The following SENP3 variants were observed in gnomAD, a reference collection of about 807,000 sequenced individuals.
The protein encoded by SENP3 is sentrin-specific protease 3.
A neutral mutation model predicts 66.2 loss-of-function variants in SENP3; 11 were observed. The ratio of observed to expected loss-of-function variants is 0.17; its 90% CI spans 0.10 to 0.28. The LOEUF (loss-of-function observed/expected upper bound fraction) is 0.28, where lower values mean the gene tolerates loss of function less well. Ranked by LOEUF, SENP3 falls within the 10% of genes least tolerant of loss-of-function variation. The pLI is 1.00. For synonymous variants in SENP3, 292 were observed against 277.6 expected (o/e 1.05, Z -0.52); for missense variants, 548 against 743.7 (o/e 0.74, Z 3.06).
chr17:7,570,526 G>T lies in SENP3; in HGVS notation c.1479+33G>T. ...GGGGTAGGAGAGAGATGGGCAAAATGTGGGGCGGTGCAGTGGCAAGGCATT... is the reference window on the plus strand; with the variant it reads ...GGGGTAGGAGAGAGATGGGCAAAATTTGGGGCGGTGCAGTGGCAAGGCATT... On this transcript the variant is annotated intron_variant, in intron 8 of 10. Coordinates refer to ENST00000321337, the MANE Select transcript of SENP3 (RefSeq NM_015670.6). This position sits in a 1 kb window ranked among gnomAD's most constrained non-coding sequence, Gnocchi z 5.4. 6.2e-7 allele frequency: 1 copy of T among 1,602,074 alleles called. No individual in the cohort carries two copies. Among genetic ancestry groups the T allele is most frequent in the Non-Finnish European group, 8.5e-7 (1 of 1,173,324 alleles).
Position 7,563,155 on chromosome 17 carries a change from C to G in SENP3, c.79C>G (p.Pro27Ala), listed in dbSNP as rs762253310. 1 of 1,552,812 alleles carries G rather than the reference C, an allele frequency of 6.4e-7. No individual in the cohort carries two copies. Among genetic ancestry groups the G allele is most frequent in the Non-Finnish European group, 8.7e-7 (1 of 1,150,258 alleles). Residue 27 changes from proline to alanine, a missense_variant, in exon 2 of 11, where the codon CCC (proline) becomes GCC (alanine). Pro to Ala is a conservative substitution (Grantham distance 27, BLOSUM62 -1). This residue lies in a region of SENP3 where 164 missense variants were observed against 167.9 expected (regional missense o/e 0.98). Transcript: ENST00000321337. Reference protein sequence around the residue: ...GPGIPPAYSSPRRERLRWPPP... With the variant: ...GPGIPPAYSSARRERLRWPPP... Reference sequence around the variant, plus strand: ...CGGCATACCCCCAGCTTACTCAAGTCCCAGGCGGGAGCGTCTTCGTTGGCC... The same window carrying G: ...CGGCATACCCCCAGCTTACTCAAGTGCCAGGCGGGAGCGTCTTCGTTGGCC...
rs190035448 is a variant in SENP3 at position 7,571,236 on chromosome 17, G to A, written c.1615-137G>A. On this transcript the variant is annotated intron_variant, in intron 10 of 10. Coordinates refer to ENST00000321337, the MANE Select transcript of SENP3 (RefSeq NM_015670.6). The stretch of plus-strand genomic sequence containing the variant: ...AGAACACTAGCTTTAGAGTCAGGCT[G>A]TTTTTGAACCCCAGGCTGTGGGACC... 1.1e-5 allele frequency: 7 copies of A among 657,374 alleles called. No homozygotes were observed. In the Admixed American group the frequency reaches 1.7e-4, roughly 16 times the overall value. The allele number at this position is 657,374 out of a possible 1,614,324, so 40.7% of individuals were successfully genotyped here. A position where few individuals can be genotyped will look rare whatever the true frequency, so the allele number is the denominator to read the frequency against.
chr17:7,567,633 C>G (rs1452874594), intron 7 of SENP3, among the ~76,000 whole-genome samples: 1 of 151,966 alleles, frequency 6.6e-6, no homozygotes, highest in Non-Finnish European at 1.5e-5. Context: ...GCCAGCCATG[C>G]GCAGACCTGG....
Position 7,562,227 on chromosome 17 carries a change from C to T in SENP3, c.-48C>T. On this transcript the variant is annotated 5_prime_UTR_variant, in exon 1 of 11. Transcript: ENST00000321337. This position sits in a 1 kb window ranked among gnomAD's most constrained non-coding sequence, Gnocchi z 5.0. ...CGGGAAGCTTGAGGCCGGAGACGCC[C>T]GCCTTCGGGCCCGTCCGCCCGGCTT... 2 of 398,608 alleles carry T rather than the reference C, an allele frequency of 5.0e-6. No individual in the cohort carries two copies. The highest frequency in any genetic ancestry group is 1.3e-4 in the South Asian group (1 of 7,960). The allele number at this position is 398,608 out of a possible 1,614,324, so 24.7% of individuals were successfully genotyped here.
At chr17:7,564,493 T>C (rs1410505103) in intron 2 of SENP3, 132 bp from the exon 3 acceptor site, 1 of 1,308,724 alleles carries the variant, frequency 7.6e-7, no homozygotes, top group Non-Finnish European at 1.1e-6. Flanking sequence ...GGAGTGGGAT[T>C]GACATTGGTG....
chr17:7,565,844 C>T, intron 6 of SENP3, 80 bp downstream of exon 6: 1 of 1,225,930 alleles, frequency 8.2e-7, no homozygotes, highest in Non-Finnish European at 1.2e-6. Context: ...TCATCTCTTT[C>T]ATTTTACACA....
chr17:7,563,392 G>C lies in SENP3; in HGVS notation c.316G>C (p.Gly106Arg), dbSNP rs2071238828. The C allele has an allele frequency of 1.3e-6, 2 of 1,551,042 alleles. No homozygotes were observed. The highest frequency in any genetic ancestry group is 2.7e-5 in the African/African-American group (2 of 73,048). Residue 106 changes from glycine (G) to arginine (R), a missense_variant, in exon 2 of 11, where the codon GGA (glycine) becomes CGA (arginine). Transcript: ENST00000321337. ...GCTGCCCCCAAGATGGAGTCAGCTG[G>C]GAACCTCCCAGCGGCCCCGCCCTTC... Reference protein sequence around the residue: ...WRLPPRWSQLGTSQRPRPSRP... With the variant: ...WRLPPRWSQLRTSQRPRPSRP...
intron 6 of SENP3, among the ~76,000 whole-genome samples, chr17:7,566,592 G>C (rs2071270823): frequency 6.6e-6 from 1 of 151,060 alleles, no homozygotes; most frequent in Admixed American, 6.6e-5. Flanking sequence ...CTTGAACCCG[G>C]GAGGCGGAGG....
Position 7,570,596 on chromosome 17 carries a change from C to T in SENP3, c.1480-85C>T. On this transcript the variant is annotated intron_variant, in intron 8 of 10. Transcript: ENST00000321337. The surrounding 1 kb of genome is among the most constrained non-coding windows in gnomAD (Gnocchi z 5.4). ...TTGGGTCTTTGAGGGGCGACCTGGG[C>T]ATGGTGTCTGCCAGCACTGTACCCA... The T allele has an allele frequency of 1.3e-6, 2 of 1,565,446 alleles. No individual in the cohort carries two copies. Among genetic ancestry groups the T allele is most frequent in the African/African-American group, 1.4e-5 (1 of 73,864 alleles).
At position 7,563,808 on chromosome 17, in the gene SENP3, G is replaced by GT; in HGVS notation, c.715+18dup. 1 of 1,557,086 alleles carries GT rather than the reference G, an allele frequency of 6.4e-7. No homozygotes were observed. The highest frequency in any genetic ancestry group is 8.8e-7 in the Non-Finnish European group (1 of 1,142,256). On this transcript the variant is annotated intron_variant, in intron 2 of 10. Transcript: ENST00000321337. ...CTGACTCGGGTAAGGTGGGAAAGGG[G>GT]TGTGGGGTTGCGGGGGAGGGGTTAG... is the stretch of plus-strand genomic sequence containing the variant.
At chr17:7,564,288 T>C in intron 2 of SENP3, 1 of 436,380 alleles carries the variant, frequency 2.3e-6, no homozygotes, top group Non-Finnish European at 4.3e-6. Flanking sequence ...CATATTCTAG[T>C]ATTCATTGAG....
At chr17:7,569,899 G>C (rs1216712385) in intron 7 of SENP3, among the ~76,000 whole-genome samples, 3 of 152,192 alleles carry the variant, frequency 2.0e-5, no homozygotes, top group African/African-American at 7.2e-5. Flanking sequence ...ATTATGGATA[G>C]TCACTAGTTT....
rs1354893404 is a variant in SENP3 at position 7,563,461 on chromosome 17, G to T, written c.385G>T (p.Ala129Ser). The T allele has an allele frequency of 7.7e-7, 1 of 1,303,472 alleles. No individual in the cohort carries two copies. The highest frequency in any genetic ancestry group is 5.7e-5 in the East Asian group (1 of 17,550). 80.7% of individuals were successfully genotyped at this position (1,303,472 alleles called of 1,614,324 possible). ...RKTCSQRRRR[A>S]MRAFRMLLYS... ...AACCTGCTCACAGCGCCGCCGCCGA[G>T]CCATGAGAGCCTTCCGGATGCTGCT... Residue 129 changes from alanine to serine, a missense_variant, in exon 2 of 11, where the codon GCC becomes TCC. By Grantham distance (99) the Ala-to-Ser change is moderately conservative. Transcript: ENST00000321337.
In SENP3 at chr17:7,562,669, C is replaced by A. The variant is rs1247123588; in HGVS notation, c.-11-397C>A. On this transcript the variant is annotated intron_variant, in intron 1 of 10. Transcript: ENST00000321337. This position sits in a 1 kb window ranked among gnomAD's most constrained non-coding sequence, Gnocchi z 5.0. ...CCCATTCCAGTCCAGTTTCCACGTGCAAGTTGCATTCTCCTCAAGTACCAC... is the reference window on the plus strand; with the variant it reads ...CCCATTCCAGTCCAGTTTCCACGTGAAAGTTGCATTCTCCTCAAGTACCAC... Among the ~76,000 whole-genome samples, 2 of 152,180 alleles carry A rather than the reference C, an allele frequency of 1.3e-5. No individual in the cohort carries two copies. Among genetic ancestry groups the A allele is most frequent in the African/African-American group, 4.8e-5 (2 of 41,444 alleles).
At chr17:7,564,553 C>T (rs1214561168) in intron 2 of SENP3, 72 bp from the exon 3 acceptor site, 62 of 1,583,446 alleles carry the variant, frequency 3.9e-5, no homozygotes, top group Non-Finnish European at 5.2e-5. Context: ...ATGCATGAGT[C>T]AACTGTGTGC....
chr17:7,570,612 A>C lies in SENP3; in HGVS notation c.1480-69A>C. ...CGACCTGGGCATGGTGTCTGCCAGC[A>C]CTGTACCCACCATACTGTGTTCAAT... On this transcript the variant is annotated intron_variant, in intron 8 of 10. Transcript: ENST00000321337. This position sits in a 1 kb window ranked among gnomAD's most constrained non-coding sequence, Gnocchi z 5.4. The C allele has an allele frequency of 6.3e-7, 1 of 1,575,880 alleles. No homozygotes were observed. Among genetic ancestry groups the C allele is most frequent in the Middle Eastern group, 1.7e-4 (1 of 6,018 alleles).
At chr17:7,569,706 G>A (rs1682123912) in intron 7 of SENP3, among the ~76,000 whole-genome samples, 1 of 152,094 alleles carries the variant, frequency 6.6e-6, no homozygotes, top group Non-Finnish European at 1.5e-5. Flanking sequence ...AAACATGTTG[G>A]CCTTCTTCAT....
chr17:7,567,713 T>C (rs1055315929), intron 7 of SENP3, among the ~76,000 whole-genome samples: 1 of 152,126 alleles, frequency 6.6e-6, no homozygotes, highest in South Asian at 2.1e-4. Flanking sequence ...GGGGGTGACC[T>C]GTGTAGTTGG....
intron 4 of SENP3, 89 bp from the exon 5 acceptor site, chr17:7,565,351 G>GT: frequency 3.3e-6 from 5 of 1,492,962 alleles, no homozygotes; most frequent in Non-Finnish European, 4.6e-6. Flanking sequence ...AAGGGAGTCA[G>GT]TTAGAATTTG....
Sources: gnomAD v4.1 joint callset for allele counts (sites outside exome capture counted in the v4.1 genomes callset) on GRCh38, gnomAD v4.1.1 for gene constraint, gnomAD v4.1.1 regional missense constraint, Gnocchi (gnomAD v3.1) non-coding constraint, MANE v1.5 for transcripts, NCBI Gene and HGNC (gene_info 2026-07-23, HGNC 2026-07-21) for gene names.